CACNA1I: variants seen among roughly 807,000 people sequenced by gnomAD.
CACNA1I encodes calcium voltage-gated channel subunit alpha1 I, also known as voltage-dependent T-type calcium channel subunit alpha-1I.
Under a neutral mutation model 201.6 loss-of-function variants are expected in CACNA1I, and 74 were observed. The ratio of observed to expected loss-of-function variants is 0.37; its 90% confidence interval spans 0.30 to 0.45. The LOEUF is 0.45. Ranked by LOEUF, CACNA1I falls within the 20% of genes least tolerant of loss-of-function variation. CACNA1I has a pLI of 1.00. For synonymous variants in CACNA1I, 1,431 were observed against 1,345.2 expected (o/e 1.06, Z -1.40); for missense variants, 2,346 against 3,138.1 (o/e 0.75, Z 6.03).
intron 23 of CACNA1I, among the ~76,000 whole-genome samples, chr22:39,667,049 C>G (rs769545947): frequency 1.1e-4 from 16 of 152,200 alleles, no homozygotes; most frequent in Non-Finnish European, 2.1e-4. Context: ...TCTCTGTACT[C>G]GGAGCCACCT....
chr22:39,645,184 A>G (rs556617590), intron 7 of CACNA1I, among the ~76,000 whole-genome samples: 1 of 150,844 alleles, frequency 6.6e-6, no homozygotes, highest in Admixed American at 6.6e-5. Context: ...ACAGGATTTC[A>G]TGATGTTGGC....
Position 39,679,706 on chromosome 22 carries a change from G to A in CACNA1I, c.5395-16G>A, listed in dbSNP as rs370369310. On this transcript the variant is annotated splice_polypyrimidine_tract_variant and intron_variant, in intron 32 of 36. Coordinates refer to ENST00000402142, the MANE Select transcript of CACNA1I (RefSeq NM_021096.4). ...TGATAATCCCGCCTGTCCCCACCCC[G>A]TCCCCGTCCGCCTAGGAGAACCTGT... is the stretch of plus-strand genomic sequence containing the variant. The A allele has an allele frequency of 7.4e-5, 111 of 1,502,484 alleles. 1 individual carries two copies. Among genetic ancestry groups the A allele is most frequent in the Admixed American group, 1.6e-4 (9 of 56,156 alleles). 93.1% of individuals were successfully genotyped at this position (1,502,484 alleles called of 1,614,324 possible). A position where few individuals can be genotyped will look rare whatever the true frequency, so the allele number is the denominator to read the frequency against.
At chr22:39,643,040 C>A (rs1934388901) in intron 7 of CACNA1I, among the ~76,000 whole-genome samples, 151 bp downstream of exon 7, 1 of 152,166 alleles carries the variant, frequency 6.6e-6, no homozygotes, top group African/African-American at 2.4e-5. Flanking sequence ...CTCAGCACCA[C>A]CGGGCAGCAG....
At chr22:39,674,316 G>C (rs5757767) in intron 29 of CACNA1I, among the ~76,000 whole-genome samples, 1 of 152,210 alleles carries the variant, frequency 6.6e-6, no homozygotes, top group African/African-American at 2.4e-5. Context: ...GCTGGTGGAG[G>C]GAGATGGATA....
intron 1 of CACNA1I, among the ~76,000 whole-genome samples, chr22:39,572,878 T>TC (rs1932232127): frequency 6.6e-6 from 1 of 152,036 alleles, no homozygotes; most frequent in Non-Finnish European, 1.5e-5. Context: ...TGCCTCAGCC[T>TC]CCCGAGTAGC....
Position 39,662,893 on chromosome 22 carries a change from CT to C in CACNA1I, c.3473+18del. Reference sequence around the variant, plus strand: ...CGAGAACAGGTGGGCAGGGCCAGGCCTGGGGTGAGGGTTAGAGTAGGGGTAA... The same window carrying C: ...CGAGAACAGGTGGGCAGGGCCAGGCCGGGGTGAGGGTTAGAGTAGGGGTAA... On this transcript the variant is annotated intron_variant, in intron 18 of 36. Transcript: ENST00000402142. The C allele has an allele frequency of 6.7e-7, 1 of 1,500,736 alleles. No individual in the cohort carries two copies. Among genetic ancestry groups the C allele is most frequent in the Non-Finnish European group, 9.1e-7 (1 of 1,094,282 alleles). The allele number at this position is 1,500,736 out of a possible 1,614,324, so 93.0% of individuals were successfully genotyped here. A position where few individuals can be genotyped will look rare whatever the true frequency, so the allele number is the denominator to read the frequency against.
Position 39,649,937 on chromosome 22 carries a change from G to A in CACNA1I, c.1992+12G>A, listed in dbSNP as rs758112936. ...AGCACCACGAGCAGGCCAGTGCAGC[G>A]CAGCCGGGCCGGGCCTGCGGGAGAG... is the stretch of plus-strand genomic sequence containing the variant. On this transcript the variant is annotated intron_variant, in intron 10 of 36. Transcript: ENST00000402142. The surrounding 1 kb of genome is among the most constrained non-coding windows in gnomAD (Gnocchi z 7.3). The A allele has an allele frequency of 8.7e-6, 14 of 1,612,524 alleles. No individual in the cohort carries two copies. In the Middle Eastern group the frequency reaches 5.0e-4, roughly 57 times the overall value.
intron 25 of CACNA1I, 79 bp downstream of exon 25, chr22:39,670,309 C>A: frequency 7.0e-7 from 1 of 1,435,376 alleles, no homozygotes; most frequent in African/African-American, 1.4e-5. Context: ...CCTCCTGAGC[C>A]TTTGGAGCTG....
Position 39,661,870 on chromosome 22 carries a change from G to A in CACNA1I, c.2902-95G>A, listed in dbSNP as rs897771355. 93 of 766,352 alleles carry A rather than the reference G, an allele frequency of 1.2e-4. 1 individual carries two copies. In the South Asian group the frequency reaches 1.7e-3, roughly 14 times the overall value. 47.5% of individuals were successfully genotyped at this position (766,352 alleles called of 1,614,324 possible). A position where few individuals can be genotyped will look rare whatever the true frequency, so the allele number is the denominator to read the frequency against. On this transcript the variant is annotated intron_variant, in intron 16 of 36. Coordinates refer to ENST00000402142, the MANE Select transcript of CACNA1I (RefSeq NM_021096.4). ...CCCGCTGGCCAGGTGGGTGGTCTTA[G>A]AGCCACAGCGGGGGTGCAGGCTGCC...
intron 27 of CACNA1I, 112 bp downstream of exon 27, chr22:39,672,420 C>A: frequency 1.3e-6 from 1 of 749,652 alleles, no homozygotes; most frequent in South Asian, 1.5e-5. Context: ...CAGTAAGCAT[C>A]TAGGCACGGA....
intron 3 of CACNA1I, among the ~76,000 whole-genome samples, chr22:39,607,796 C>A (rs1054421722): frequency 6.6e-6 from 1 of 151,234 alleles, no homozygotes; most frequent in Non-Finnish European, 1.5e-5. Flanking sequence ...TGAGACCAGC[C>A]TGGCAAACAT....
chr22:39,658,072 C>T, intron 10 of CACNA1I, 80 bp from the exon 11 acceptor site: 1 of 1,470,558 alleles, frequency 6.8e-7, no homozygotes, highest in African/African-American at 1.4e-5. Flanking sequence ...GGTCACACAG[C>T]CAGGGTGGGT....
At chr22:39,646,497 C>T (rs1479187079) in intron 7 of CACNA1I, 72 bp from the exon 8 acceptor site, 18 of 1,478,272 alleles carry the variant, frequency 1.2e-5, no homozygotes, top group East Asian at 2.5e-5. Flanking sequence ...CACTCCATGA[C>T]TCTGCCTCTC....
chr22:39,608,859 T>C (rs1242363891), intron 3 of CACNA1I, among the ~76,000 whole-genome samples: 1 of 151,992 alleles, frequency 6.6e-6, no homozygotes, highest in Non-Finnish European at 1.5e-5. Context: ...TATTGTACCC[T>C]GGAAACATGG....
intron 20 of CACNA1I, among the ~76,000 whole-genome samples, chr22:39,664,448 G>A (rs1935119320): frequency 6.6e-6 from 1 of 152,150 alleles, no homozygotes; most frequent in Non-Finnish European, 1.5e-5. Flanking sequence ...GAAGCATCCC[G>A]TCTGGGGCGC....
Position 39,632,966 on chromosome 22 carries a change from G to A in CACNA1I, c.581-1599G>A, listed in dbSNP as rs149765268. ...CCTGAGAGGAGGCTGACCTAGTTTT[G>A]TGGAGAGGGAAGATGGGGTGGGCCT... is the stretch of plus-strand genomic sequence containing the variant. On this transcript the variant is annotated intron_variant, in intron 4 of 36. Transcript: ENST00000402142. Among the ~76,000 whole-genome samples, 471 of 152,066 alleles carry A rather than the reference G, an allele frequency of 3.1e-3. 1 individual carries two copies. The highest frequency in any genetic ancestry group is 0.011 in the African/African-American group (456 of 41,450).
chr22:39,579,841 G>T (rs942457763), intron 1 of CACNA1I, among the ~76,000 whole-genome samples: 6 of 152,136 alleles, frequency 3.9e-5, no homozygotes, highest in Non-Finnish European at 8.8e-5. Context: ...TAGAGATGGG[G>T]TTTTGCCATG....
chr22:39,602,531 G>A (rs1172062858), intron 3 of CACNA1I, among the ~76,000 whole-genome samples: 1 of 143,860 alleles, frequency 7.0e-6, no homozygotes, highest in Non-Finnish European at 1.5e-5. Context: ...ATTCTGGTTT[G>A]GCTGGAGAAC....
intron 4 of CACNA1I, among the ~76,000 whole-genome samples, chr22:39,630,410 A>T (rs140511170): frequency 5.6e-4 from 85 of 152,298 alleles, no homozygotes; most frequent in African/African-American, 2.0e-3. Context: ...TTGGTTTTTC[A>T]CAACTCATGT....
Sources: allele counts gnomAD v4.1 joint callset (sites outside exome capture counted in the v4.1 genomes callset), GRCh38; gene constraint gnomAD v4.1.1; non-coding constraint Gnocchi (gnomAD v3.1); transcripts MANE v1.5; gene names NCBI Gene and HGNC (gene_info 2026-07-23, HGNC 2026-07-21).